The following RALYL variants were observed in gnomAD, a reference collection of about 807,000 sequenced individuals.
The protein encoded by RALYL is RALY RNA binding protein like.
RALYL carries 29 observed loss-of-function variants against 35.1 expected under a neutral mutation model. The observed-to-expected ratio is 0.83, with a 90% CI of 0.61 to 1.13. The LOEUF (loss-of-function observed/expected upper bound fraction) is 1.13, where lower values mean the gene tolerates loss of function less well. Ranked by LOEUF, RALYL falls within the 50% of genes most tolerant of loss-of-function variation. The pLI is 0.00. For missense variants in RALYL, 359 were observed against 360.4 expected (o/e 1.00, Z 0.03); for synonymous variants, 120 against 127.6 (o/e 0.94, Z 0.40).
At chr8:84,223,543 G>C (rs921141402) in intron 1 of RALYL, among the ~76,000 whole-genome samples, 1 of 152,150 alleles carries the variant, frequency 6.6e-6, no homozygotes, top group Non-Finnish European at 1.5e-5. Flanking sequence ...AAATAGCAGG[G>C]TGTTGCACCA....
At chr8:84,384,332 T>C (rs1359252560) in intron 1 of RALYL, among the ~76,000 whole-genome samples, 2 of 151,774 alleles carry the variant, frequency 1.3e-5, no homozygotes, top group Non-Finnish European at 2.9e-5. Context: ...ATGATTATAC[T>C]GTCTCCTCCA....
At position 84,410,385 on chromosome 8, in the gene RALYL, C is replaced by T. The variant is rs565642502; in HGVS notation, c.-23-118914C>T. 1.3e-3 allele frequency among the ~76,000 whole-genome samples: 200 copies of T among 151,976 alleles called. 4 individuals carry two copies. Among genetic ancestry groups the T allele is most frequent in the Non-Finnish European group, 2.2e-3 (150 of 67,806 alleles). Reference sequence around the variant, plus strand: ...ATGGGATTCATTATGGTAATAACTACATAATCCAGAACAGATAAGTAAATG... The same window carrying T: ...ATGGGATTCATTATGGTAATAACTATATAATCCAGAACAGATAAGTAAATG... On this transcript the variant is annotated intron_variant, in intron 1 of 8. Transcript: ENST00000521268.
At chr8:84,610,860 C>T (rs2130876079) in intron 2 of RALYL, among the ~76,000 whole-genome samples, 1 of 152,220 alleles carries the variant, frequency 6.6e-6, no homozygotes, top group Middle Eastern at 3.4e-3. Context: ...CGACGTCTCT[C>T]CGTCAATGTA....
intron 2 of RALYL, among the ~76,000 whole-genome samples, chr8:84,742,937 C>T (rs1807723968): frequency 6.6e-6 from 1 of 150,600 alleles, no homozygotes; most frequent in South Asian, 2.1e-4. Flanking sequence ...TTATTGAGAT[C>T]CTTGAATGTG....
chr8:84,596,648 G>C (rs1195805859), intron 2 of RALYL, among the ~76,000 whole-genome samples: 1 of 152,126 alleles, frequency 6.6e-6, no homozygotes, highest in Non-Finnish European at 1.5e-5. Flanking sequence ...CTGCAGAAGT[G>C]AGTTACTTTT....
At chr8:84,297,865 A>C (rs928157445) in intron 1 of RALYL, among the ~76,000 whole-genome samples, 1 of 151,962 alleles carries the variant, frequency 6.6e-6, no homozygotes, top group Non-Finnish European at 1.5e-5. Flanking sequence ...GTGACTGTTT[A>C]TGCACTCTGC....
intron 1 of RALYL, among the ~76,000 whole-genome samples, chr8:84,233,042 G>A (rs748748677): frequency 2.0e-5 from 3 of 151,934 alleles, no homozygotes; most frequent in Non-Finnish European, 2.9e-5. Flanking sequence ...ATGTGGTGGT[G>A]CAAAATCATA....
intron 1 of RALYL, among the ~76,000 whole-genome samples, chr8:84,296,892 T>C (rs553222056): frequency 1.3e-5 from 2 of 151,866 alleles, no homozygotes; most frequent in Admixed American, 1.3e-4. Context: ...CTTAGAAATA[T>C]TGGCATTTTT....
At chr8:84,220,122 A>G (rs114574544) in intron 1 of RALYL, among the ~76,000 whole-genome samples, 2,832 of 152,090 alleles carry the variant, frequency 0.019, 94 homozygotes, top group African/African-American at 0.064. Flanking sequence ...TCATACCAAG[A>G]TAGCTAATTG....
At chr8:84,704,379 C>A (rs963562699) in intron 2 of RALYL, among the ~76,000 whole-genome samples, 8 of 151,716 alleles carry the variant, frequency 5.3e-5, no homozygotes, top group Non-Finnish European at 1.0e-4. Flanking sequence ...GAGCCTAGAT[C>A]GCACAACTGT....
intron 1 of RALYL, among the ~76,000 whole-genome samples, chr8:84,218,408 A>G (rs961537755): frequency 1.3e-5 from 2 of 152,070 alleles, no homozygotes; most frequent in Admixed American, 6.6e-5. Flanking sequence ...CTTAAAAGGA[A>G]AAATGCTGTC....
intron 1 of RALYL, among the ~76,000 whole-genome samples, chr8:84,451,498 A>G (rs2049471282): frequency 1.3e-5 from 2 of 152,002 alleles, no homozygotes; most frequent in Non-Finnish European, 1.5e-5. Flanking sequence ...CAGAATGTAC[A>G]TATTTGCCAA....
intron 2 of RALYL, among the ~76,000 whole-genome samples, chr8:84,549,450 T>C (rs956119722): frequency 2.6e-5 from 4 of 152,068 alleles, no homozygotes; most frequent in Admixed American, 2.0e-4. Flanking sequence ...GAGTTTGCCA[T>C]TTTATGGATC....
intron 1 of RALYL, among the ~76,000 whole-genome samples, chr8:84,359,246 T>A (rs954725908): frequency 5.3e-5 from 8 of 151,728 alleles, no homozygotes; most frequent in South Asian, 2.1e-4. Flanking sequence ...GAGCTTTTTT[T>A]TTTTTAAAGA....
intron 1 of RALYL, among the ~76,000 whole-genome samples, chr8:84,195,411 G>C (rs985040201): frequency 1.3e-5 from 2 of 152,044 alleles, no homozygotes; most frequent in African/African-American, 4.8e-5. Flanking sequence ...TTGCACTCCA[G>C]CCCAGCGACA....
intron 1 of RALYL, among the ~76,000 whole-genome samples, chr8:84,526,764 C>G (rs79272268): frequency 2.4e-3 from 365 of 152,268 alleles, no homozygotes; most frequent in African/African-American, 8.3e-3. Flanking sequence ...AATATCTTCC[C>G]CACTCCACGG....
At chr8:84,479,526 G>C (rs2053834931) in intron 1 of RALYL, among the ~76,000 whole-genome samples, 2 of 152,038 alleles carry the variant, frequency 1.3e-5, no homozygotes, top group Admixed American at 6.5e-5. Context: ...AACAAGTTCA[G>C]TTATTTTCAA....
chr8:84,549,137 C>A (rs180914787), intron 2 of RALYL, among the ~76,000 whole-genome samples: 14 of 152,244 alleles, frequency 9.2e-5, no homozygotes, highest in African/African-American at 3.4e-4. Flanking sequence ...GCTATGTAGA[C>A]CTTGCAGCGG....
rs141320110 is a variant in RALYL, at chr8:84,698,111, C to T, written c.257-76468C>T. Among the ~76,000 whole-genome samples, 6 of 152,182 alleles carry T rather than the reference C, an allele frequency of 3.9e-5. No homozygotes were observed. The East Asian group carries it at 1.2e-3, about 29-fold the overall frequency. Reference sequence around the variant, plus strand: ...GGGTACAGTTTTTGCAGCTCACAAACGTACACACTCCAGCTCTGCTTCTTT... The same window carrying T: ...GGGTACAGTTTTTGCAGCTCACAAATGTACACACTCCAGCTCTGCTTCTTT... On this transcript the variant is annotated intron_variant, in intron 2 of 8. Transcript: ENST00000521268.
Sources: allele counts gnomAD v4.1 joint callset (sites outside exome capture counted in the v4.1 genomes callset), GRCh38; gene constraint gnomAD v4.1.1; transcripts MANE v1.5; gene names NCBI Gene and HGNC (gene_info 2026-07-23, HGNC 2026-07-21).